Variants in ATP2B2 observed in about 807,000 individuals in gnomAD.
The protein encoded by ATP2B2 is ATPase plasma membrane Ca2+ transporting 2.
Under a neutral mutation model 120.0 loss-of-function variants are expected in ATP2B2, and 15 were observed. That is an observed-to-expected ratio of 0.12 (90% CI 0.08 to 0.19). The LOEUF (loss-of-function observed/expected upper bound fraction) is 0.19, where lower values mean the gene tolerates loss of function less well. Among genes scored for constraint, ATP2B2 ranks in the 10% least tolerant of loss-of-function variants. ATP2B2 has a pLI of 1.00. For missense variants in ATP2B2, 1,045 were observed against 1,719.8 expected, an observed-to-expected ratio of 0.61 and a Z score of 6.94; for synonymous variants, 694 against 700.3, an observed-to-expected ratio of 0.99 and a Z score of 0.14.
Position 10,575,075 on chromosome 3 carries a change from G to A in ATP2B2, c.-414-40942C>T, listed in dbSNP as rs191436123. Among the ~76,000 whole-genome samples, 9 of 152,272 alleles carry A rather than the reference G, an allele frequency of 5.9e-5. No individual in the cohort carries two copies. The East Asian group carries it at 1.3e-3, about 23-fold the overall frequency. On this transcript the variant is annotated intron_variant, in intron 2 of 21. Transcript: ENST00000646379. Reference sequence around the variant, plus strand: ...TTTCTGAATCCTTGGTGAAGTCCCCGCTGCCGACTGCTCAGTGCCTGGGGT... The same window carrying A: ...TTTCTGAATCCTTGGTGAAGTCCCCACTGCCGACTGCTCAGTGCCTGGGGT...
At chr3:10,479,252 G>A (rs1459084809) in intron 1 of ATP2B2, among the ~76,000 whole-genome samples, 1 of 151,828 alleles carries the variant, frequency 6.6e-6, no homozygotes, top group Non-Finnish European at 1.5e-5. Context: ...ACTCCCACAT[G>A]TGATCTTCAA....
intron 2 of ATP2B2, among the ~76,000 whole-genome samples, chr3:10,420,339 C>A (rs190133907): frequency 6.6e-6 from 1 of 151,974 alleles, no homozygotes; most frequent in East Asian, 2.0e-4. Context: ...GGGTAACTTC[C>A]CCTCTCTGTG....
intron 2 of ATP2B2, among the ~76,000 whole-genome samples, chr3:10,611,180 C>T (rs534702579): frequency 4.0e-4 from 61 of 152,320 alleles, no homozygotes; most frequent in African/African-American, 1.4e-3. Context: ...GGGTGTGACT[C>T]CTGGTTTTGG....
chr3:10,683,760 G>GTGTGTATGTATGTA (rs1446781892), intron 1 of ATP2B2, among the ~76,000 whole-genome samples: 16 of 53,902 alleles, frequency 3.0e-4, no homozygotes, highest in African/African-American at 3.4e-4. Flanking sequence ...GTGTGTGTGT[G>GTGTGTATGTATGTA]TATATATATA....
At chr3:10,581,831 G>A (rs1559470084) in intron 2 of ATP2B2, among the ~76,000 whole-genome samples, 1 of 152,162 alleles carries the variant, frequency 6.6e-6, no homozygotes, top group East Asian at 1.9e-4. Context: ...CTTGTGTGAG[G>A]GTTGAAGGCA....
chr3:10,568,538 C>T (rs1447145082), intron 2 of ATP2B2, among the ~76,000 whole-genome samples: 1 of 152,202 alleles, frequency 6.6e-6, no homozygotes. Flanking sequence ...GGGAAGCTTG[C>T]TTCCTGCACT....
intron 2 of ATP2B2, among the ~76,000 whole-genome samples, chr3:10,585,516 A>AAAAAAAAAAAAAAAAC (rs2068490176): frequency 6.7e-6 from 1 of 150,120 alleles, no homozygotes; most frequent in Non-Finnish European, 1.5e-5. Context: ...AAAAAAAAAA[A>AAAAAAAAAAAAAAAAC]AGATCCAGTG....
At chr3:10,520,596 A>C (rs1421596092) in intron 3 of ATP2B2, among the ~76,000 whole-genome samples, 1 of 151,958 alleles carries the variant, frequency 6.6e-6, no homozygotes, top group Non-Finnish European at 1.5e-5. Flanking sequence ...CAGCCTCCCG[A>C]GTAGCTGGGA....
intron 3 of ATP2B2, among the ~76,000 whole-genome samples, chr3:10,532,259 A>T (rs1471634521): frequency 6.6e-6 from 1 of 152,182 alleles, no homozygotes; most frequent in Non-Finnish European, 1.5e-5. Flanking sequence ...ATAAAGGCAC[A>T]TGAGAGGTGA....
chr3:10,536,331 ATTTT>A (rs71055821), intron 2 of ATP2B2, among the ~76,000 whole-genome samples: 31 of 138,876 alleles, frequency 2.2e-4, no homozygotes, highest in African/African-American at 7.6e-4. Context: ...TTGTCACAGG[ATTTT>A]TTTTTTTTTT....
chr3:10,592,067 C>A (rs2068657773), intron 2 of ATP2B2, among the ~76,000 whole-genome samples: 1 of 152,152 alleles, frequency 6.6e-6, no homozygotes, highest in South Asian at 2.1e-4. Flanking sequence ...AGGGCTCAAC[C>A]ATGTGGAAGG....
At chr3:10,446,958 C>T (rs997779618) in intron 2 of ATP2B2, among the ~76,000 whole-genome samples, 2 of 152,220 alleles carry the variant, frequency 1.3e-5, no homozygotes, top group Non-Finnish European at 2.9e-5. Flanking sequence ...CTGTGGGATC[C>T]CCTCTAAGAA....
chr3:10,612,724 T>G (rs539136907), intron 2 of ATP2B2, among the ~76,000 whole-genome samples: 1 of 152,292 alleles, frequency 6.6e-6, no homozygotes, highest in South Asian at 2.1e-4. Flanking sequence ...AGTTAACACA[T>G]CCACACCATT....
intron 5 of ATP2B2, among the ~76,000 whole-genome samples, chr3:10,390,939 C>T (rs1212479900): frequency 2.6e-5 from 4 of 152,124 alleles, no homozygotes; most frequent in East Asian, 1.9e-4. Context: ...AAGATGCCTC[C>T]GTGGGCACCA....
intron 1 of ATP2B2, among the ~76,000 whole-genome samples, chr3:10,676,646 A>G (rs1320226653): frequency 6.6e-6 from 1 of 152,166 alleles, no homozygotes; most frequent in South Asian, 2.1e-4. Context: ...TCTCCAATAA[A>G]CAGAATGGCT....
At chr3:10,348,583 G>A (rs538417859) in intron 16 of ATP2B2, among the ~76,000 whole-genome samples, 44 of 152,256 alleles carry the variant, frequency 2.9e-4, no homozygotes, top group South Asian at 6.2e-4. Flanking sequence ...GGCATCTGGG[G>A]ATCTTCTGCC....
At chr3:10,619,579 C>A (rs961014244) in intron 2 of ATP2B2, among the ~76,000 whole-genome samples, 2 of 152,162 alleles carry the variant, frequency 1.3e-5, no homozygotes, top group African/African-American at 2.4e-5. Flanking sequence ...GAATATCACA[C>A]CAAGGTAAAG....
chr3:10,384,038 C>T (rs552729627), intron 8 of ATP2B2, among the ~76,000 whole-genome samples: 1 of 152,318 alleles, frequency 6.6e-6, no homozygotes, highest in Non-Finnish European at 1.5e-5. Flanking sequence ...ACTCCCCAAG[C>T]TGTCATCCTT....
At chr3:10,532,663 T>C (rs1446999293) in intron 3 of ATP2B2, among the ~76,000 whole-genome samples, 1 of 152,238 alleles carries the variant, frequency 6.6e-6, no homozygotes, top group Non-Finnish European at 1.5e-5. Flanking sequence ...TGAGCAATTA[T>C]GTAATGTGTT....
Sources: gnomAD v4.1 joint callset for allele counts (sites outside exome capture counted in the v4.1 genomes callset) on GRCh38, gnomAD v4.1.1 for gene constraint, MANE v1.5 for transcripts, NCBI Gene and HGNC (gene_info 2026-07-23, HGNC 2026-07-21) for gene names.